SRRM4: variants seen among roughly 807,000 people sequenced by gnomAD.
SRRM4 encodes the protein serine/arginine repetitive matrix protein 4.
A neutral mutation model predicts 68.9 loss-of-function variants in SRRM4; 33 were observed. The observed-to-expected ratio is 0.48, with a 90% confidence interval of 0.36 to 0.64. The LOEUF (loss-of-function observed/expected upper bound fraction) is 0.64. Among genes scored for constraint, SRRM4 ranks in the 30% least tolerant of loss-of-function variants. SRRM4 has a pLI of 0.00. For synonymous variants in SRRM4, 318 were observed against 318.8 expected, an observed-to-expected ratio of 1.00 and a Z score of 0.03; for missense variants, 817 against 827.1, an observed-to-expected ratio of 0.99 and a Z score of 0.15.
intron 1 of SRRM4, among the ~76,000 whole-genome samples, chr12:119,068,825 G>C (rs945481512): frequency 6.6e-6 from 1 of 152,112 alleles, no homozygotes; most frequent in African/African-American, 2.4e-5. Flanking sequence ...GAGAGGCGGG[G>C]GATGGCAAGG....
intron 1 of SRRM4, among the ~76,000 whole-genome samples, chr12:119,034,552 G>A (rs1008604293): frequency 6.6e-6 from 1 of 152,192 alleles, no homozygotes; most frequent in Non-Finnish European, 1.5e-5. Flanking sequence ...TACCTACTTG[G>A]TTTACTGAAG....
intron 7 of SRRM4, among the ~76,000 whole-genome samples, chr12:119,128,221 C>G (rs1037008465): frequency 2.6e-5 from 4 of 152,202 alleles, no homozygotes; most frequent in Admixed American, 2.6e-4. Flanking sequence ...GTAATCAAGT[C>G]TGAGCCCAGA....
At chr12:119,116,007 G>A (rs73213762) in intron 3 of SRRM4, among the ~76,000 whole-genome samples, 5,030 of 152,106 alleles carry the variant, frequency 0.033, 88 homozygotes, top group Non-Finnish European at 0.042. Context: ...CAGGATCTTC[G>A]GCTAATCTGA....
chr12:119,019,678 C>T (rs573769274), intron 1 of SRRM4, among the ~76,000 whole-genome samples: 69 of 152,254 alleles, frequency 4.5e-4, no homozygotes, highest in African/African-American at 1.4e-3. Context: ...CATCCTGCCA[C>T]GGGCTCCCTG....
chr12:119,151,998 GC>G (rs746703885), intron 10 of SRRM4, among the ~76,000 whole-genome samples: 46 of 152,138 alleles, frequency 3.0e-4, no homozygotes, highest in Non-Finnish European at 5.9e-4. Context: ...AAAAATTATG[GC>G]CATTTTTGCA....
rs751197819 is a variant in SRRM4, at chr12:119,156,630, CCGGAGCCGGAGA to C, written c.1679_1690del (p.Arg560_Arg563del). On this transcript the variant is annotated inframe_deletion, in exon 13 of 13. Transcript: ENST00000267260. ...GCTACTCCCGGAGCCGGAGTCGGAG[CCGGAGCCGGAGA>C]CGGAGCCGGACCCGCACGAGCAGCA... 1.9e-5 allele frequency: 30 copies of C among 1,599,674 alleles called. No homozygotes were observed. The highest frequency in any genetic ancestry group is 6.8e-5 in the Admixed American group (4 of 58,796).
At chr12:119,028,842 G>T (rs372394874) in intron 1 of SRRM4, among the ~76,000 whole-genome samples, 9 of 152,142 alleles carry the variant, frequency 5.9e-5, no homozygotes, top group African/African-American at 1.7e-4. Flanking sequence ...AATTTGAATC[G>T]GTGATCCCAG....
rs571630636 is a variant in SRRM4, at chr12:119,005,471, T to A, written c.131+23458T>A. On this transcript the variant is annotated intron_variant, in intron 1 of 12. Coordinates refer to ENST00000267260, the MANE Select transcript of SRRM4 (RefSeq NM_194286.4). ...TCGGAAGAGACCTGGACATTGGGAT[T>A]TTCTTAATCGCTCCCTAGGTGATCC... Among the ~76,000 whole-genome samples, 3 of 152,298 alleles carry A rather than the reference T, an allele frequency of 2.0e-5. No individual in the cohort carries two copies. In the South Asian group the frequency reaches 6.2e-4, roughly 32 times the overall value.
intron 1 of SRRM4, among the ~76,000 whole-genome samples, chr12:118,986,139 C>A (rs1953280640): frequency 6.6e-6 from 1 of 152,090 alleles, no homozygotes; most frequent in Non-Finnish European, 1.5e-5. Flanking sequence ...CCATTTAATT[C>A]AAGACTCCCC....
chr12:119,065,394 A>G (rs1953839444), intron 1 of SRRM4, among the ~76,000 whole-genome samples: 1 of 152,180 alleles, frequency 6.6e-6, no homozygotes, highest in Non-Finnish European at 1.5e-5. Flanking sequence ...GTTTCCATTG[A>G]ACTATGTAGG....
intron 1 of SRRM4, among the ~76,000 whole-genome samples, chr12:119,091,867 T>C (rs745463497): frequency 6.6e-6 from 1 of 152,090 alleles, no homozygotes; most frequent in African/African-American, 2.4e-5. Flanking sequence ...CATACCCCTA[T>C]ATGAGAGTTT....
chr12:119,076,589 A>C (rs1444518750), intron 1 of SRRM4, among the ~76,000 whole-genome samples: 2 of 152,240 alleles, frequency 1.3e-5, no homozygotes, highest in South Asian at 2.1e-4. Context: ...GTAAAGTAAG[A>C]AATGTAATAA....
chr12:119,125,484 C>A lies in SRRM4; in HGVS notation c.614+5C>A, dbSNP rs1347954351. 6.6e-7 allele frequency: 1 copy of A among 1,508,158 alleles called. No individual in the cohort carries two copies. Among genetic ancestry groups the A allele is most frequent in the East Asian group, 2.5e-5 (1 of 40,582 alleles). The allele number at this position is 1,508,158 out of a possible 1,614,324, so 93.4% of individuals were successfully genotyped here. On this transcript the variant is annotated splice_donor_5th_base_variant and intron_variant, in intron 7 of 12. Coordinates refer to ENST00000267260, the MANE Select transcript of SRRM4 (RefSeq NM_194286.4). ...CCCCTCAAGCTGTGAGAGCAGGTAA[C>A]CCCTTGCCCCAGGATCCTCTTCTGT...
At chr12:119,018,653 T>C (rs556528720) in intron 1 of SRRM4, among the ~76,000 whole-genome samples, 56 of 152,290 alleles carry the variant, frequency 3.7e-4, no homozygotes, top group African/African-American at 1.3e-3. Flanking sequence ...GAAAAGCATT[T>C]GTTCAGATAC....
At chr12:119,056,223 C>T (rs900247762) in intron 1 of SRRM4, among the ~76,000 whole-genome samples, 5 of 152,346 alleles carry the variant, frequency 3.3e-5, no homozygotes, top group African/African-American at 1.2e-4. Flanking sequence ...TAAGTTCTGG[C>T]ATCTCCAGGA....
In SRRM4 at chr12:119,069,370, G is replaced by A. The variant is rs535503627; in HGVS notation, c.132-32866G>A. Among the ~76,000 whole-genome samples, 26 of 152,298 alleles carry A rather than the reference G, an allele frequency of 1.7e-4. No individual in the cohort carries two copies. In the South Asian group the frequency reaches 3.1e-3, roughly 18 times the overall value. On this transcript the variant is annotated intron_variant, in intron 1 of 12. Transcript: ENST00000267260. ...TTCATATTTATGGGAAGTGCCTTCC[G>A]TGATTCTGAAGTAGCTCGACCAGCA...
intron 1 of SRRM4, among the ~76,000 whole-genome samples, chr12:118,983,971 C>G (rs77789936): frequency 6.6e-6 from 1 of 151,686 alleles, no homozygotes; most frequent in Non-Finnish European, 1.5e-5. Flanking sequence ...GCCCTAGAAA[C>G]CACCCCTGAG....
At chr12:119,084,758 A>G (rs2136033508) in intron 1 of SRRM4, among the ~76,000 whole-genome samples, 1 of 152,322 alleles carries the variant, frequency 6.6e-6, no homozygotes, top group South Asian at 2.1e-4. Context: ...GGGATTGTGC[A>G]CACAAAGAAG....
rs1185496603 is a variant in SRRM4, at chr12:119,160,277, G to GTCTCTCTCTCTCTCTCTCTC, written c.*3490_*3491insCTCTCTCTCTCTCTCTCTCT. On this transcript the variant is annotated 3_prime_UTR_variant, in exon 13 of 13. Coordinates refer to ENST00000267260, the MANE Select transcript of SRRM4 (RefSeq NM_194286.4). ...TCTCTCTCTCTCTGTCTCTCTCTCT[G>GTCTCTCTCTCTCTCTCTCTC]TCTCTCTCTCTGTCTCTCTCTCTCT... 1.5e-5 allele frequency: 2 copies of GTCTCTCTCTCTCTCTCTCTC among 131,018 alleles called. No homozygotes were observed. Among genetic ancestry groups the GTCTCTCTCTCTCTCTCTCTC allele is most frequent in the African/African-American group, 5.8e-5 (2 of 34,334 alleles). The allele number at this position is 131,018 out of a possible 1,614,324, so 8.1% of individuals were successfully genotyped here. A position where few individuals can be genotyped will look rare whatever the true frequency, so the allele number is the denominator to read the frequency against.
Sources: gnomAD v4.1 joint callset for allele counts (sites outside exome capture counted in the v4.1 genomes callset) on GRCh38, gnomAD v4.1.1 for gene constraint, MANE v1.5 for transcripts, NCBI Gene and HGNC (gene_info 2026-07-23, HGNC 2026-07-21) for gene names.